MYOT: variants seen among roughly 807,000 people sequenced by gnomAD.
MYOT encodes the protein myotilin.
Under a neutral mutation model 58.0 loss-of-function variants are expected in MYOT, and 36 were observed. The ratio of observed to expected loss-of-function variants is 0.62; its 90% CI spans 0.48 to 0.82. The LOEUF (loss-of-function observed/expected upper bound fraction) is 0.82. Among genes scored for constraint, MYOT ranks in the 40% least tolerant of loss-of-function variants. The pLI, the probability that MYOT is intolerant of heterozygous loss-of-function variation, is 0.00. For synonymous variants in MYOT, 218 were observed against 204.6 expected, an observed-to-expected ratio of 1.07 and a Z score of -0.56; for missense variants, 505 against 592.1, an observed-to-expected ratio of 0.85 and a Z score of 1.53.
intron 4 of MYOT, among the ~76,000 whole-genome samples, chr5:137,879,788 G>A (rs957479041): frequency 6.1e-5 from 9 of 148,468 alleles, no homozygotes; most frequent in East Asian, 2.0e-4. Flanking sequence ...CACCTGCCTC[G>A]GCCTCCCAAA....
intron 4 of MYOT, among the ~76,000 whole-genome samples, chr5:137,878,376 C>T (rs1202935512): frequency 6.6e-6 from 1 of 152,044 alleles, no homozygotes; most frequent in African/African-American, 2.4e-5. Context: ...CACCATCAGG[C>T]CCAGCTAATT....
Position 137,887,365 on chromosome 5 carries a change from TATGAA to T in MYOT, c.1479_1483del (p.Tyr493Ter). ...GCGTTTGGCAGCTCAATCTGGACTC[TATGAA>T]AGTGAAGAACTTTAATAACTTTACC... On this transcript the variant is annotated frameshift_variant, in exon 10 of 10. Transcript: ENST00000239926. LOFTEE classifies it high-confidence loss of function. The T allele has an allele frequency of 6.2e-7, 1 of 1,614,032 alleles. No homozygotes were observed. The highest frequency in any genetic ancestry group is 8.5e-7 in the Non-Finnish European group (1 of 1,179,942).
In MYOT at chr5:137,886,001, C is replaced by CT. The variant is rs751530763; in HGVS notation, c.1025-41dup. 14 of 1,317,996 alleles carry CT rather than the reference C, an allele frequency of 1.1e-5. No individual in the cohort carries two copies. Among genetic ancestry groups the CT allele is most frequent in the Admixed American group, 5.8e-5 (3 of 51,982 alleles). 81.6% of individuals were successfully genotyped at this position (1,317,996 alleles called of 1,614,324 possible). ...ATAATACCTTGGTTTGATTTAATAC[C>CT]TTTTTTATAATATTTCAAATACTTG... is the stretch of plus-strand genomic sequence containing the variant. On this transcript the variant is annotated intron_variant, in intron 7 of 9. Transcript: ENST00000239926.
intron 7 of MYOT, among the ~76,000 whole-genome samples, chr5:137,885,311 G>C (rs1755560293): frequency 6.6e-6 from 1 of 151,916 alleles, no homozygotes; most frequent in Admixed American, 6.6e-5. Flanking sequence ...ACTACTACCG[G>C]GATTTTTTTT....
chr5:137,876,075 G>GATCTGTGAGCTAGAA, intron 3 of MYOT, 72 bp downstream of exon 3: 1 of 1,487,328 alleles, frequency 6.7e-7, no homozygotes, highest in Non-Finnish European at 9.3e-7. Flanking sequence ...GGAAGTTCTA[G>GATCTGTGAGCTAGAA]CTCACAGATC....
chr5:137,870,376 A>G (rs1167973360), intron 1 of MYOT, 65 bp from the exon 2 acceptor site: 1 of 535,382 alleles, frequency 1.9e-6, no homozygotes, highest in African/African-American at 1.9e-5. Context: ...CAGATCTGAA[A>G]GATGTCAAAT....
chr5:137,881,391 G>A lies in MYOT; in HGVS notation c.683+526G>A, dbSNP rs1054713251. 3.9e-5 allele frequency among the ~76,000 whole-genome samples: 6 copies of A among 152,282 alleles called. No individual in the cohort carries two copies. The East Asian group carries it at 7.7e-4, about 20-fold the overall frequency. ...TTCAAATTTGATGGCTAGGCTGGAC[G>A]CAGTGGCTCACACCTGTAATCCCAG... On this transcript the variant is annotated intron_variant, in intron 5 of 9. Coordinates refer to ENST00000239926, the MANE Select transcript of MYOT (RefSeq NM_006790.3).
chr5:137,876,579 G>A (rs1247072621), intron 3 of MYOT, among the ~76,000 whole-genome samples: 1 of 152,160 alleles, frequency 6.6e-6, no homozygotes, highest in Non-Finnish European at 1.5e-5. Context: ...GCCAAGGCAG[G>A]TGGATCACCA....
chr5:137,875,699 C>A, intron 2 of MYOT, 130 bp from the exon 3 acceptor site: 1 of 782,104 alleles, frequency 1.3e-6, no homozygotes, highest in Non-Finnish European at 2.1e-6. Flanking sequence ...TATTTCTTGA[C>A]TGTTATTAGG....
Position 137,881,974 on chromosome 5 carries a change from A to C in MYOT, c.685A>C (p.Ser229Arg), listed in dbSNP as rs1755446916. ...GTTGTTACCAAAATATTCTTGTAGA[A>C]GTAGATCAACCTCAAGGGGAGATGT... ...RLQVPTSQVR[S>R]RSTSRGDVND... The change falls in exon 6 of 10, where the codon AGT becomes CGT. Residue 229 changes from serine (S) to arginine (R), a missense_variant and splice_region_variant. Coordinates refer to ENST00000239926, the MANE Select transcript of MYOT (RefSeq NM_006790.3). The C allele has an allele frequency of 1.2e-6, 2 of 1,613,832 alleles. No individual in the cohort carries two copies. The highest frequency in any genetic ancestry group is 1.7e-6 in the Non-Finnish European group (2 of 1,179,678).
chr5:137,872,976 G>A (rs1202266901), intron 2 of MYOT, among the ~76,000 whole-genome samples: 2 of 152,182 alleles, frequency 1.3e-5, no homozygotes, highest in African/African-American at 4.8e-5. Flanking sequence ...CTATTAGTTT[G>A]TAAATGGGAG....
intron 8 of MYOT, 172 bp from the exon 9 acceptor site, chr5:137,886,692 G>A: frequency 3.1e-6 from 2 of 643,668 alleles, no homozygotes; most frequent in South Asian, 1.6e-5. Flanking sequence ...GAGGGAGACA[G>A]CACCCAAGGG....
At chr5:137,877,222 GCTGGGCATTGTGGCA>G (rs1755255922) in intron 3 of MYOT, among the ~76,000 whole-genome samples, 1 of 151,852 alleles carries the variant, frequency 6.6e-6, no homozygotes, top group South Asian at 2.1e-4. Context: ...CAAAAAATTA[GCTGGGCATTGTGGCA>G]GGCGCCTGTA....
At chr5:137,877,690 G>C (rs1312180425) in intron 4 of MYOT, 69 bp downstream of exon 4, 6 of 1,115,968 alleles carry the variant, frequency 5.4e-6, no homozygotes, top group Non-Finnish European at 6.9e-6. Context: ...TTTTCTAAAT[G>C]CTTATAAATA....
rs1358850010 is a variant in MYOT at position 137,870,785 on chromosome 5, G to A, written c.134G>A (p.Arg45His). Residue 45 changes from arginine to histidine, a missense_variant, in exon 2 of 10, where the codon CGC (arginine) becomes CAC (histidine). By Grantham distance (29) the Arg-to-His change is conservative. Transcript: ENST00000239926. ...TKQSSIIIQP[R>H]QCTEQRFSAS... ...CAGTCTTCCATTATCATCCAGCCCC[G>A]CCAGTGTACAGAGCAAAGATTTTCT... 60 of 1,613,952 alleles carry A rather than the reference G, an allele frequency of 3.7e-5. No homozygotes were observed. The highest frequency in any genetic ancestry group is 7.7e-5 in the South Asian group (7 of 91,082).
intron 7 of MYOT, 128 bp from the exon 8 acceptor site, chr5:137,885,920 G>A (rs1755585762): frequency 1.7e-6 from 1 of 601,598 alleles, no homozygotes; most frequent in South Asian, 2.3e-5. Context: ...CTTTTTTACT[G>A]AGTTTCTTTC....
chr5:137,874,284 T>A (rs1337979668), intron 2 of MYOT, among the ~76,000 whole-genome samples: 2 of 152,098 alleles, frequency 1.3e-5, no homozygotes, highest in Middle Eastern at 3.2e-3. Flanking sequence ...CTGGCCAACA[T>A]GGCAAAACCC....
At chr5:137,887,105 T>A in intron 9 of MYOT, 108 bp downstream of exon 9, 1 of 1,551,404 alleles carries the variant, frequency 6.4e-7, no homozygotes, top group Non-Finnish European at 8.9e-7. Context: ...TCCCCATATA[T>A]AATCAGTTTT....
intron 5 of MYOT, among the ~76,000 whole-genome samples, chr5:137,881,157 A>C (rs545347602): frequency 2.0e-5 from 3 of 152,364 alleles, no homozygotes; most frequent in Admixed American, 1.3e-4. Flanking sequence ...GGTGGTAAGA[A>C]TAATCTGCTG....
Sources: gnomAD v4.1 joint callset for allele counts (sites outside exome capture counted in the v4.1 genomes callset) on GRCh38, gnomAD v4.1.1 for gene constraint, MANE v1.5 for transcripts, NCBI Gene and HGNC (gene_info 2026-07-23, HGNC 2026-07-21) for gene names.